Variants in KCNQ5 observed in about 807,000 individuals in gnomAD.
KCNQ5 encodes potassium voltage-gated channel subfamily Q member 5, also known as potassium voltage-gated channel subfamily KQT member 5.
A neutral mutation model predicts 98.2 loss-of-function variants in KCNQ5; 30 were observed. The ratio of observed to expected loss-of-function variants is 0.31; its 90% CI spans 0.23 to 0.41. KCNQ5 has a LOEUF of 0.41. Ranked by LOEUF, KCNQ5 falls within the 10% of genes least tolerant of loss-of-function variation. The probability of loss-of-function intolerance (pLI) is 1.00; values close to 1 mark genes in which losing one functional copy is unlikely to be tolerated. For missense variants in KCNQ5, 835 were observed against 1,182.5 expected, an observed-to-expected ratio of 0.71 and a Z score of 4.31; for synonymous variants, 458 against 449.4, an observed-to-expected ratio of 1.02 and a Z score of -0.24.
intron 1 of KCNQ5, among the ~76,000 whole-genome samples, chr6:72,664,061 T>C (rs1166802836): frequency 6.6e-6 from 1 of 152,182 alleles, no homozygotes; most frequent in Non-Finnish European, 1.5e-5. Context: ...CTTTGCACAT[T>C]TACCTGTAAA....
intron 1 of KCNQ5, among the ~76,000 whole-genome samples, chr6:72,974,991 C>A (rs894143904): frequency 1.3e-5 from 2 of 152,114 alleles, no homozygotes; most frequent in Non-Finnish European, 2.9e-5. Context: ...CTCGCCTCGG[C>A]CTCCCAAAGT....
At chr6:72,913,686 G>T (rs1780028767) in intron 1 of KCNQ5, among the ~76,000 whole-genome samples, 2 of 152,224 alleles carry the variant, frequency 1.3e-5, no homozygotes, top group Admixed American at 6.5e-5. Flanking sequence ...AAACAGTGTA[G>T]GGGAAGGAAA....
chr6:72,945,418 G>A (rs1421891439), intron 1 of KCNQ5, among the ~76,000 whole-genome samples: 8 of 77,066 alleles, frequency 1.0e-4, no homozygotes, highest in Admixed American at 4.0e-4. Flanking sequence ...CCCACCCCAC[G>A]ACAGGCCCCG....
intron 1 of KCNQ5, among the ~76,000 whole-genome samples, chr6:72,914,302 G>A (rs767165176): frequency 3.9e-5 from 6 of 151,954 alleles, no homozygotes; most frequent in Non-Finnish European, 8.8e-5. Flanking sequence ...TGAGGAACTT[G>A]ATAAAAGAGA....
chr6:73,182,090 C>A (rs1303629695), intron 11 of KCNQ5, among the ~76,000 whole-genome samples: 1 of 152,180 alleles, frequency 6.6e-6, no homozygotes. Context: ...AGTTCATGGG[C>A]TTTCATTTAT....
chr6:73,031,704 T>A (rs553734350), intron 2 of KCNQ5, among the ~76,000 whole-genome samples: 1 of 152,320 alleles, frequency 6.6e-6, no homozygotes, highest in South Asian at 2.1e-4. Context: ...ACAGAACACA[T>A]TGCTGATCTT....
intron 1 of KCNQ5, among the ~76,000 whole-genome samples, chr6:72,902,928 T>A (rs1395877740): frequency 6.6e-6 from 1 of 152,024 alleles, no homozygotes; most frequent in Admixed American, 6.5e-5. Flanking sequence ...ATTATTTGAG[T>A]GTCGGGTAGA....
chr6:72,840,278 A>T (rs762225604), intron 1 of KCNQ5, among the ~76,000 whole-genome samples: 2 of 152,232 alleles, frequency 1.3e-5, no homozygotes, highest in Non-Finnish European at 2.9e-5. Flanking sequence ...TGTACCCAGA[A>T]GTAGGATACC....
intron 9 of KCNQ5, among the ~76,000 whole-genome samples, chr6:73,127,324 G>A (rs1776029680): frequency 6.6e-6 from 1 of 152,174 alleles, no homozygotes; most frequent in Non-Finnish European, 1.5e-5. Flanking sequence ...AGTTATTGAT[G>A]GTGAGTCAGA....
intron 10 of KCNQ5, among the ~76,000 whole-genome samples, chr6:73,167,578 G>A (rs2882406): frequency 0.61 from 92,572 of 152,056 alleles, 28,927 homozygotes; most frequent in African/African-American, 0.74. Context: ...AAGTTGCTCT[G>A]AGTATGAAAA....
At chr6:72,666,051 C>T (rs1010347746) in intron 1 of KCNQ5, among the ~76,000 whole-genome samples, 2 of 152,252 alleles carry the variant, frequency 1.3e-5, no homozygotes, top group African/African-American at 2.4e-5. Flanking sequence ...GTTCTATAAA[C>T]GGGTTCAGCT....
At chr6:72,785,196 C>A (rs1773674987) in intron 1 of KCNQ5, among the ~76,000 whole-genome samples, 1 of 152,044 alleles carries the variant, frequency 6.6e-6, no homozygotes, top group Non-Finnish European at 1.5e-5. Flanking sequence ...AGTATTTTTT[C>A]TCCTGGGATG....
At chr6:72,915,208 C>T (rs1054284158) in intron 1 of KCNQ5, among the ~76,000 whole-genome samples, 4 of 151,736 alleles carry the variant, frequency 2.6e-5, no homozygotes, top group African/African-American at 4.8e-5. Context: ...TATTTTTTTC[C>T]ACTGAGGCAA....
chr6:72,772,654 T>C (rs9359006), intron 1 of KCNQ5, among the ~76,000 whole-genome samples: 90,936 of 151,928 alleles, frequency 0.6, 27,246 homozygotes, highest in Admixed American at 0.65. Context: ...AGCTCAAAAT[T>C]CACTAAATCC....
chr6:72,713,758 C>T (rs1769495869), intron 1 of KCNQ5, among the ~76,000 whole-genome samples: 1 of 152,186 alleles, frequency 6.6e-6, no homozygotes, highest in South Asian at 2.1e-4. Flanking sequence ...ACTAGACAGG[C>T]TTATGTCACT....
At chr6:72,886,842 T>C (rs141708304) in intron 1 of KCNQ5, among the ~76,000 whole-genome samples, 1 of 152,178 alleles carries the variant, frequency 6.6e-6, no homozygotes, top group East Asian at 1.9e-4. Context: ...TTGTTTTTGG[T>C]CATTCCAAAA....
At chr6:72,862,220 C>A (rs1777793928) in intron 1 of KCNQ5, among the ~76,000 whole-genome samples, 1 of 152,162 alleles carries the variant, frequency 6.6e-6, no homozygotes, top group Non-Finnish European at 1.5e-5. Context: ...TGGGGAGGGT[C>A]CTGTCATGGG....
At chr6:72,735,304 T>C (rs1159076180) in intron 1 of KCNQ5, among the ~76,000 whole-genome samples, 1 of 152,356 alleles carries the variant, frequency 6.6e-6, no homozygotes, top group African/African-American at 2.4e-5. Context: ...AAGTATTTTA[T>C]TTCAGCAGAA....
intron 13 of KCNQ5, among the ~76,000 whole-genome samples, chr6:73,193,855 T>C (rs532841021): frequency 0.029 from 4,181 of 142,098 alleles, 84 homozygotes; most frequent in East Asian, 0.069. Context: ...TTTTTTTTTT[T>C]CAGACAGGGA....
Sources: gnomAD v4.1 joint callset for allele counts (sites outside exome capture counted in the v4.1 genomes callset) on GRCh38, gnomAD v4.1.1 for gene constraint, MANE v1.5 for transcripts, NCBI Gene and HGNC (gene_info 2026-07-23, HGNC 2026-07-21) for gene names.